MAP4K4: variants seen among roughly 807,000 people sequenced by gnomAD.
The protein encoded by MAP4K4 is mitogen-activated protein kinase kinase kinase kinase 4.
In MAP4K4, 38 loss-of-function variants were observed where a neutral mutation model predicts 189.6. The ratio of observed to expected loss-of-function variants is 0.20; its 90% CI spans 0.15 to 0.26. MAP4K4 has a LOEUF of 0.26. Among genes scored for constraint, MAP4K4 ranks in the 10% least tolerant of loss-of-function variants. The pLI is 1.00. For missense variants in MAP4K4, 1,054 were observed against 1,726.9 expected, an observed-to-expected ratio of 0.61 and a Z score of 6.91; for synonymous variants, 610 against 624.3, an observed-to-expected ratio of 0.98 and a Z score of 0.34.
chr2:101,767,691 T>C (rs929574356), intron 2 of MAP4K4, among the ~76,000 whole-genome samples: 3 of 152,228 alleles, frequency 2.0e-5, no homozygotes, highest in Non-Finnish European at 4.4e-5. Context: ...GCAGAGTTCA[T>C]GCACTGCTGG....
At chr2:101,829,047 A>C (rs1303970651) in intron 5 of MAP4K4, among the ~76,000 whole-genome samples, 1 of 152,190 alleles carries the variant, frequency 6.6e-6, no homozygotes, top group South Asian at 2.1e-4. Flanking sequence ...GTCACTGTGC[A>C]GTGGGAAGGC....
In MAP4K4 at chr2:101,842,694, C is replaced by T. The variant is rs540422103; in HGVS notation, c.1022+13C>T. The T allele has an allele frequency of 1.9e-6, 3 of 1,598,436 alleles. No homozygotes were observed. The highest frequency in any genetic ancestry group is 1.1e-5 in the South Asian group (1 of 88,312). On this transcript the variant is annotated intron_variant, in intron 11 of 32. Coordinates refer to ENST00000324219, the Ensembl canonical transcript of MAP4K4. ...AAGGAGAGCCAAGGTAACCACAAAG[C>T]CACTGTTCAGTATCCTGCTTTATGA...
intron 2 of MAP4K4, among the ~76,000 whole-genome samples, chr2:101,718,370 C>A (rs942275879): frequency 6.6e-6 from 1 of 152,002 alleles, no homozygotes; most frequent in South Asian, 2.1e-4. Context: ...AAGTAACTTG[C>A]CTAAAGACAC....
At chr2:101,701,964 C>G (rs1046012374) in intron 2 of MAP4K4, among the ~76,000 whole-genome samples, 2 of 152,142 alleles carry the variant, frequency 1.3e-5, no homozygotes, top group African/African-American at 4.8e-5. Flanking sequence ...CTCCCGGGTT[C>G]AAGTGATTCT....
intron 6 of MAP4K4, among the ~76,000 whole-genome samples, chr2:101,830,425 A>G (rs2096561289): frequency 6.6e-6 from 1 of 152,066 alleles, no homozygotes; most frequent in Non-Finnish European, 1.5e-5. Flanking sequence ...TTCCACTTTC[A>G]TCTAAGTGTT....
At chr2:101,739,095 T>TA (rs973610907) in intron 2 of MAP4K4, among the ~76,000 whole-genome samples, 1 of 152,172 alleles carries the variant, frequency 6.6e-6, no homozygotes, top group Admixed American at 6.5e-5. Context: ...ATCTGTGACT[T>TA]ACGAATAGTA....
chr2:101,823,902 A>G (rs770324073), intron 3 of MAP4K4, 26 bp from the exon 4 acceptor site: 1 of 1,574,874 alleles, frequency 6.3e-7, no homozygotes, highest in East Asian at 2.3e-5. Context: ...CAGTAGCCAC[A>G]CATTTTATTT....
intron 2 of MAP4K4, among the ~76,000 whole-genome samples, chr2:101,705,102 C>G (rs769817148): frequency 6.6e-6 from 1 of 152,088 alleles, no homozygotes; most frequent in Non-Finnish European, 1.5e-5. Context: ...TTTAGGACAT[C>G]CCGTTTTAAA....
chr2:101,723,641 C>T (rs2053543790), intron 2 of MAP4K4, among the ~76,000 whole-genome samples: 1 of 152,124 alleles, frequency 6.6e-6, no homozygotes, highest in Non-Finnish European at 1.5e-5. Context: ...CATTAAGAAG[C>T]TTAGAAATGA....
chr2:101,713,521 A>C (rs1276534998), intron 2 of MAP4K4, among the ~76,000 whole-genome samples: 1 of 149,082 alleles, frequency 6.7e-6, no homozygotes, highest in Non-Finnish European at 1.5e-5. Context: ...GCTTGAACTC[A>C]GGAGGCAGAG....
At chr2:101,888,997 A>G (rs1173517999) in intron 32 of MAP4K4, 62 bp downstream of exon 32, 35 of 1,337,144 alleles carry the variant, frequency 2.6e-5, no homozygotes, top group East Asian at 1.2e-4. Flanking sequence ...CTTGTTTTCC[A>G]TGGAGTTTGA....
At chr2:101,706,759 T>G (rs2042536049) in intron 2 of MAP4K4, among the ~76,000 whole-genome samples, 1 of 152,224 alleles carries the variant, frequency 6.6e-6, no homozygotes, top group East Asian at 1.9e-4. Context: ...TACTGCAGTC[T>G]TCCTTTTTGG....
intron 2 of MAP4K4, among the ~76,000 whole-genome samples, chr2:101,775,794 G>A (rs2083776069): frequency 6.6e-6 from 1 of 152,288 alleles, no homozygotes; most frequent in South Asian, 2.1e-4. Context: ...TCACGCTCAC[G>A]TGCCCTGTTG....
intron 2 of MAP4K4, among the ~76,000 whole-genome samples, chr2:101,764,671 G>A (rs1350144361): frequency 6.6e-6 from 1 of 152,110 alleles, no homozygotes; most frequent in Non-Finnish European, 1.5e-5. Flanking sequence ...AAAGCTCTTA[G>A]ATTTCTGTAA....
chr2:101,866,517 G>A (rs1183428678), exon 19 of MAP4K4: 14 of 1,613,528 alleles, frequency 8.7e-6, no homozygotes, highest in African/African-American at 2.7e-5. Flanking sequence ...AGCAACTCAG[G>A]ATCCCAGCCC....
chr2:101,866,382 T>G, intron 18 of MAP4K4, 46 bp from the exon 19 acceptor site: 2 of 1,574,378 alleles, frequency 1.3e-6, no homozygotes, highest in Non-Finnish European at 8.7e-7. Flanking sequence ...TGGTGCTGCA[T>G]CTAGAGATGA....
chr2:101,859,996 AG>A, intron 15 of MAP4K4, 132 bp downstream of exon 15: 1 of 960,602 alleles, frequency 1.0e-6, no homozygotes, highest in Non-Finnish European at 1.6e-6. Flanking sequence ...TTTTCTAACT[AG>A]GAAATTGAAT....
chr2:101,707,364 A>G (rs2042879711), intron 2 of MAP4K4, among the ~76,000 whole-genome samples: 1 of 152,018 alleles, frequency 6.6e-6, no homozygotes, highest in South Asian at 2.1e-4. Context: ...GCGGACCACC[A>G]TGCTCGGCTA....
At chr2:101,849,018 G>A (rs1297733370) in intron 12 of MAP4K4, among the ~76,000 whole-genome samples, 1 of 152,166 alleles carries the variant, frequency 6.6e-6, no homozygotes, top group Admixed American at 6.5e-5. Flanking sequence ...TCATGTGTGT[G>A]ACTGTGCTCC....
Sources: gnomAD v4.1 joint callset for allele counts (sites outside exome capture counted in the v4.1 genomes callset) on GRCh38, gnomAD v4.1.1 for gene constraint, MANE v1.5 for transcripts, NCBI Gene and HGNC (gene_info 2026-07-23, HGNC 2026-07-21) for gene names.